Variants in JMY observed in about 807,000 individuals in gnomAD.
The protein encoded by JMY is junction mediating and regulatory protein, p53 cofactor, also known as junction-mediating and -regulatory protein.
Under a neutral mutation model 103.3 loss-of-function variants are expected in JMY, and 46 were observed. The ratio of observed to expected loss-of-function variants is 0.45; its 90% CI spans 0.35 to 0.57. The LOEUF is 0.57. Among genes scored for constraint, JMY ranks in the 20% least tolerant of loss-of-function variants. JMY has a pLI of 0.00. For missense variants in JMY, 1,238 were observed against 1,255.2 expected, an observed-to-expected ratio of 0.99 and a Z score of 0.21; for synonymous variants, 526 against 489.3, an observed-to-expected ratio of 1.07 and a Z score of -0.99.
At chr5:79,290,055 T>C (rs780725364) in intron 2 of JMY, 66 bp from the exon 3 acceptor site, 131 of 1,174,564 alleles carry the variant, frequency 1.1e-4, no homozygotes, top group Non-Finnish European at 1.5e-4. Context: ...ATATAAACTT[T>C]AAATGTTTGA....
intron 1 of JMY, among the ~76,000 whole-genome samples, chr5:79,263,468 A>T (rs1249979776): frequency 6.6e-6 from 1 of 151,808 alleles, no homozygotes; most frequent in Non-Finnish European, 1.5e-5. Context: ...ATCTCAACTC[A>T]CTGCAACCTC....
At chr5:79,307,368 A>G (rs1408299724) in intron 7 of JMY, among the ~76,000 whole-genome samples, 2 of 152,160 alleles carry the variant, frequency 1.3e-5, no homozygotes, top group East Asian at 1.9e-4. Context: ...CCCACCAGCA[A>G]TGAGTGAGAG....
rs116648340 is a variant in JMY, at chr5:79,287,524, T to C, written c.1207-2597T>C. Among the ~76,000 whole-genome samples, 416 of 152,286 alleles carry C rather than the reference T, an allele frequency of 2.7e-3. 5 individuals are homozygous for C. In the East Asian group the frequency reaches 0.037, roughly 14 times the overall value. Reference sequence around the variant, plus strand: ...GGCTGGGCATGGTGGTGTGCACTTGTAGTGTCAGCTTGCTGGGAGACTGAG... The same window carrying C: ...GGCTGGGCATGGTGGTGTGCACTTGCAGTGTCAGCTTGCTGGGAGACTGAG... On this transcript the variant is annotated intron_variant, in intron 2 of 10. Coordinates refer to ENST00000396137, the MANE Select transcript of JMY (RefSeq NM_152405.5).
rs1744532852 is a variant in JMY at position 79,237,013 on chromosome 5, C to T, written c.363C>T (p.Ser121=). 2.7e-6 allele frequency: 4 copies of T among 1,485,966 alleles called. No individual in the cohort carries two copies. The highest frequency in any genetic ancestry group is 2.5e-5 in the East Asian group (1 of 40,252). The allele number at this position is 1,485,966 out of a possible 1,614,324, so 92.0% of individuals were successfully genotyped here. A position where few individuals can be genotyped will look rare whatever the true frequency, so the allele number is the denominator to read the frequency against. Residue 121 remains serine (S), a synonymous_variant, in exon 1 of 11, where the codon AGC becomes AGT. Transcript: ENST00000396137. The stretch of plus-strand genomic sequence containing the variant: ...GCGGCTCTCCTCGGAGCACTCGCAG[C>T]CTTCTGGGGGACCCGCGGCTGCGGA... ...AEGGSPRSTR[S]LLGDPRLRSP...
chr5:79,275,652 C>T (rs1745916833), intron 1 of JMY, among the ~76,000 whole-genome samples: 1 of 152,098 alleles, frequency 6.6e-6, no homozygotes, highest in South Asian at 2.1e-4. Context: ...TGATATTTTG[C>T]CCCACGGTTT....
chr5:79,270,112 C>T (rs1745700954), intron 1 of JMY, among the ~76,000 whole-genome samples: 1 of 152,004 alleles, frequency 6.6e-6, no homozygotes, highest in Non-Finnish European at 1.5e-5. Context: ...GACAGTTTTA[C>T]TGCTTCCCAG....
intron 2 of JMY, among the ~76,000 whole-genome samples, chr5:79,281,353 ATTTTTT>A (rs35881012): frequency 5.1e-5 from 6 of 116,712 alleles, no homozygotes; most frequent in African/African-American, 1.6e-4. Flanking sequence ...CAAGAAATTA[ATTTTTT>A]TTTTTTTTTT....
intron 1 of JMY, among the ~76,000 whole-genome samples, chr5:79,257,146 C>G (rs999957071): frequency 4.0e-5 from 6 of 151,430 alleles, no homozygotes; most frequent in African/African-American, 1.5e-4. Context: ...GATCTCGGCT[C>G]ACTGCAATCT....
intron 1 of JMY, among the ~76,000 whole-genome samples, chr5:79,270,300 A>G (rs917965502): frequency 6.9e-6 from 1 of 145,060 alleles, no homozygotes; most frequent in African/African-American, 2.5e-5. Context: ...ATATATTTAC[A>G]TAAATATTTA....
intron 1 of JMY, among the ~76,000 whole-genome samples, chr5:79,261,607 A>G (rs938595047): frequency 6.6e-6 from 1 of 152,058 alleles, no homozygotes; most frequent in Non-Finnish European, 1.5e-5. Context: ...GTGAATTACT[A>G]TTTTCCCTAA....
chr5:79,285,293 C>T (rs896069776), intron 2 of JMY, among the ~76,000 whole-genome samples: 10 of 152,194 alleles, frequency 6.6e-5, no homozygotes, highest in Non-Finnish European at 1.5e-4. Context: ...CCCCACCCGC[C>T]CACTGCCAGT....
chr5:79,272,475 G>A (rs1239372122), intron 1 of JMY, among the ~76,000 whole-genome samples: 4 of 151,732 alleles, frequency 2.6e-5, no homozygotes, highest in Admixed American at 6.6e-5. Flanking sequence ...TGAAAATAGC[G>A]TGTAGTTTTT....
Position 79,326,270 on chromosome 5 carries a change from A to AGTGAT in JMY, c.*4672_*4676dup, listed in dbSNP as rs905695767. The AGTGAT allele has an allele frequency of 2.0e-5, 3 of 151,986 alleles. No individual in the cohort carries two copies. Among genetic ancestry groups the AGTGAT allele is most frequent in the Non-Finnish European group, 4.4e-5 (3 of 67,986 alleles). The allele number at this position is 151,986 out of a possible 1,614,324, so 9.4% of individuals were successfully genotyped here. On this transcript the variant is annotated 3_prime_UTR_variant, in exon 11 of 11. Transcript: ENST00000396137. ...TTGGTGGATAGGAAAGACCTTGAAAAGTGATGTGTAGATGAAAACACAAGG... is the reference window on the plus strand; with the variant it reads ...TTGGTGGATAGGAAAGACCTTGAAAAGTGATGTGATGTGTAGATGAAAACACAAGG...
At chr5:79,262,997 A>G (rs1745470271) in intron 1 of JMY, among the ~76,000 whole-genome samples, 2 of 152,218 alleles carry the variant, frequency 1.3e-5, no homozygotes, top group African/African-American at 4.8e-5. Context: ...TTGACCCTGT[A>G]AGAAGAGCCC....
intron 1 of JMY, among the ~76,000 whole-genome samples, chr5:79,258,315 T>G (rs1745314740): frequency 2.2e-5 from 2 of 92,486 alleles, no homozygotes; most frequent in African/African-American, 7.8e-5. Context: ...GTTTTTGTTG[T>G]TTTTTTTTTT....
Position 79,236,466 on chromosome 5 carries a change from GC to G in JMY, c.-183del, listed in dbSNP as rs745647637. 42 of 428,476 alleles carry G rather than the reference GC, an allele frequency of 9.8e-5. No homozygotes were observed. Among genetic ancestry groups the G allele is most frequent in the Non-Finnish European group, 1.5e-4 (37 of 249,438 alleles). 26.5% of individuals were successfully genotyped at this position (428,476 alleles called of 1,614,324 possible). Reference sequence around the variant, plus strand: ...GCTTATTGTCCTTCTCTCGATCCGCGCCACAAAGGAGCTCGGCGGTCGGGGC... The same window carrying G: ...GCTTATTGTCCTTCTCTCGATCCGCGCACAAAGGAGCTCGGCGGTCGGGGC... On this transcript the variant is annotated 5_prime_UTR_variant, in exon 1 of 11. Transcript: ENST00000396137.
intron 1 of JMY, among the ~76,000 whole-genome samples, chr5:79,260,187 T>C (rs2112064715): frequency 6.6e-6 from 1 of 152,324 alleles, no homozygotes; most frequent in East Asian, 1.9e-4. Flanking sequence ...AGCCAGGTGC[T>C]CACAGACCCT....
intron 1 of JMY, among the ~76,000 whole-genome samples, chr5:79,258,297 C>CTTTT (rs1225930409): frequency 5.0e-5 from 7 of 139,434 alleles, no homozygotes; most frequent in African/African-American, 1.6e-4. Context: ...GATATTAGGG[C>CTTTT]TTTTTTTGTT....
chr5:79,269,954 C>T (rs1045266333), intron 1 of JMY, among the ~76,000 whole-genome samples: 1 of 151,936 alleles, frequency 6.6e-6, no homozygotes, highest in African/African-American at 2.4e-5. Context: ...GGGTCTTGAA[C>T]TCCTGGGCTG....
Sources: allele counts gnomAD v4.1 joint callset (sites outside exome capture counted in the v4.1 genomes callset), GRCh38; gene constraint gnomAD v4.1.1; transcripts MANE v1.5; gene names NCBI Gene and HGNC (gene_info 2026-07-23, HGNC 2026-07-21).